Variants in PPFIA2 observed in about 807,000 individuals in gnomAD.
PPFIA2 encodes liprin-alpha-2.
In PPFIA2, 46 loss-of-function variants were observed where a neutral mutation model predicts 175.5. That is an observed-to-expected ratio of 0.26 (90% confidence interval 0.21 to 0.34). The LOEUF (loss-of-function observed/expected upper bound fraction) is 0.34, where lower values mean the gene tolerates loss of function less well. Ranked by LOEUF, PPFIA2 falls within the 10% of genes least tolerant of loss-of-function variation. The probability of loss-of-function intolerance (pLI) is 1.00; values close to 1 mark genes in which losing one functional copy is unlikely to be tolerated. For synonymous variants in PPFIA2, 568 were observed against 511.4 expected (o/e 1.11, Z -1.49); for missense variants, 1,179 against 1,506.1 (o/e 0.78, Z 3.60).
rs145191251 is a variant in PPFIA2 at position 81,753,317 on chromosome 12, A to AT, written c.249+655dup. Among the ~76,000 whole-genome samples the AT allele has an allele frequency of 8.7e-3, 1,307 of 150,714 alleles. 23 individuals are homozygous for AT. Among genetic ancestry groups the AT allele is most frequent in the African/African-American group, 0.029 (1,192 of 41,056 alleles). The stretch of plus-strand genomic sequence containing the variant: ...CTGGCAGTTCTTAAAATATCTTAGG[A>AT]TTTTTTTTTTCTGTAAAATACAAAG... On this transcript the variant is annotated intron_variant, in intron 3 of 32. Coordinates refer to ENST00000549396, the MANE Select transcript of PPFIA2 (RefSeq NM_003625.5).
Position 81,461,601 on chromosome 12 carries a change from C to T in PPFIA2, c.304-3735G>A, listed in dbSNP as rs140885731. Among the ~76,000 whole-genome samples, 30 of 152,154 alleles carry T rather than the reference C, an allele frequency of 2.0e-4. No homozygotes were observed. In the East Asian group the frequency reaches 5.6e-3, roughly 28 times the overall value. On this transcript the variant is annotated intron_variant, in intron 4 of 32. Transcript: ENST00000549396. ...CCATCATTAACCAGCACTCAAAACC[C>T]ATCACCAAAGTGCCACACAGAGTAA... is the stretch of plus-strand genomic sequence containing the variant.
At chr12:81,562,033 A>C (rs2153394419) in intron 4 of PPFIA2, among the ~76,000 whole-genome samples, 1 of 152,320 alleles carries the variant, frequency 6.6e-6, no homozygotes, top group East Asian at 1.9e-4. Context: ...CAAAGATAAA[A>C]ATCATTTAAT....
At chr12:81,564,398 G>C (rs778633855) in intron 4 of PPFIA2, among the ~76,000 whole-genome samples, 1 of 152,136 alleles carries the variant, frequency 6.6e-6, no homozygotes, top group Non-Finnish European at 1.5e-5. Context: ...AAATAGAAGC[G>C]AGCCTGCTCT....
At chr12:81,586,272 T>A (rs150140039) in intron 4 of PPFIA2, among the ~76,000 whole-genome samples, 1,983 of 152,092 alleles carry the variant, frequency 0.013, 21 homozygotes, top group Non-Finnish European at 0.021. Flanking sequence ...TGCTTCCTAG[T>A]GTCATTGTCC....
chr12:81,311,101 C>A (rs1462282090), intron 22 of PPFIA2, among the ~76,000 whole-genome samples: 1 of 152,094 alleles, frequency 6.6e-6, no homozygotes, highest in East Asian at 1.9e-4. Context: ...GTAGTCTACA[C>A]CAATGTAAAT....
At chr12:81,341,312 C>A in intron 19 of PPFIA2, 104 bp from the exon 20 acceptor site, 2 of 1,120,236 alleles carry the variant, frequency 1.8e-6, no homozygotes. Context: ...AATTTTAATA[C>A]AAAATAAAAC....
chr12:81,638,330 T>C (rs1268428199), intron 4 of PPFIA2, among the ~76,000 whole-genome samples: 1 of 152,100 alleles, frequency 6.6e-6, no homozygotes, highest in East Asian at 1.9e-4. Flanking sequence ...AATGAATTTG[T>C]ACTTCAAGGT....
At chr12:81,488,068 G>C (rs1326017568) in intron 4 of PPFIA2, among the ~76,000 whole-genome samples, 2 of 151,896 alleles carry the variant, frequency 1.3e-5, no homozygotes, top group Admixed American at 1.3e-4. Context: ...ACCAGAGAAA[G>C]TAGTTTTCCT....
intron 4 of PPFIA2, among the ~76,000 whole-genome samples, chr12:81,489,181 C>T (rs2059162425): frequency 6.6e-6 from 1 of 151,664 alleles, no homozygotes; most frequent in Non-Finnish European, 1.5e-5. Flanking sequence ...ATCCTTAAAG[C>T]ATTGGAAAGA....
At chr12:81,368,295 G>T in intron 13 of PPFIA2, 1 of 521,228 alleles carries the variant, frequency 1.9e-6, no homozygotes, top group African/African-American at 2.0e-5. Flanking sequence ...TTCTTTTGAT[G>T]ATATAAACTC....
At chr12:81,457,995 G>C (rs2145805246) in intron 4 of PPFIA2, 129 bp from the exon 5 acceptor site, 2 of 610,876 alleles carry the variant, frequency 3.3e-6, no homozygotes, top group South Asian at 4.2e-5. Context: ...ATATGTTGCT[G>C]TTATGAAGTA....
chr12:81,757,433 C>T (rs2084860616), intron 2 of PPFIA2, among the ~76,000 whole-genome samples: 1 of 152,142 alleles, frequency 6.6e-6, no homozygotes, highest in Non-Finnish European at 1.5e-5. Context: ...ATTATGTTAT[C>T]TTCATCTAGA....
chr12:81,468,156 T>A (rs1279460224), intron 4 of PPFIA2, among the ~76,000 whole-genome samples: 2 of 151,778 alleles, frequency 1.3e-5, no homozygotes, highest in Non-Finnish European at 2.9e-5. Flanking sequence ...GAGAGGGAGG[T>A]CATCAGGAAG....
intron 4 of PPFIA2, among the ~76,000 whole-genome samples, chr12:81,551,929 T>A (rs2067995843): frequency 6.6e-6 from 1 of 151,842 alleles, no homozygotes; most frequent in South Asian, 2.1e-4. Flanking sequence ...TTCTCTCTTA[T>A]TCAAGATGCT....
chr12:81,621,327 G>T (rs1240938603), intron 4 of PPFIA2, among the ~76,000 whole-genome samples: 2 of 152,160 alleles, frequency 1.3e-5, no homozygotes, highest in African/African-American at 2.4e-5. Context: ...AGTAGTAGGT[G>T]GTGAAAGCAG....
At chr12:81,457,203 T>C (rs1382428962) in intron 5 of PPFIA2, among the ~76,000 whole-genome samples, 1 of 151,776 alleles carries the variant, frequency 6.6e-6, no homozygotes, top group East Asian at 1.9e-4. Context: ...AGGGTGATCT[T>C]GAACTCCTGA....
intron 18 of PPFIA2, among the ~76,000 whole-genome samples, chr12:81,346,710 GT>G (rs1307779755): frequency 2.6e-5 from 4 of 151,418 alleles, no homozygotes; most frequent in Non-Finnish European, 5.9e-5. Flanking sequence ...AGTAGCTGTT[GT>G]TTTTTATGGC....
At chr12:81,638,909 G>C (rs895847108) in intron 4 of PPFIA2, among the ~76,000 whole-genome samples, 3 of 151,234 alleles carry the variant, frequency 2.0e-5, no homozygotes, top group Non-Finnish European at 4.4e-5. Context: ...GGATGGTCTC[G>C]ATCTCCTGAC....
At chr12:81,584,522 A>G (rs1007942679) in intron 4 of PPFIA2, among the ~76,000 whole-genome samples, 3 of 151,546 alleles carry the variant, frequency 2.0e-5, no homozygotes, top group Admixed American at 6.6e-5. Context: ...ACATCATCTA[A>G]TGACTGGCTT....
Sources: allele counts gnomAD v4.1 joint callset (sites outside exome capture counted in the v4.1 genomes callset), GRCh38; gene constraint gnomAD v4.1.1; transcripts MANE v1.5; gene names NCBI Gene and HGNC (gene_info 2026-07-23, HGNC 2026-07-21).